The following LRRC73 variants were observed in gnomAD, a reference collection of about 807,000 sequenced individuals.
LRRC73 encodes leucine-rich repeat-containing protein 73.
LRRC73 carries 16 observed loss-of-function variants against 26.4 expected under a neutral mutation model. The observed-to-expected ratio is 0.61, with a 90% CI of 0.41 to 0.92. The LOEUF (loss-of-function observed/expected upper bound fraction) is 0.92. Ranked by LOEUF, LRRC73 falls within the 40% of genes least tolerant of loss-of-function variation. The pLI is 0.00. For synonymous variants in LRRC73, 210 were observed against 179.8 expected, an observed-to-expected ratio of 1.17 and a Z score of -1.34; for missense variants, 344 against 416.3, an observed-to-expected ratio of 0.83 and a Z score of 1.51.
chr6:43,508,860 G>C, exon 2 of LRRC73: 1 of 1,612,870 alleles, frequency 6.2e-7, no homozygotes, highest in Non-Finnish European at 8.5e-7. Context: ...GGGCAGGGTG[G>C]AGGGCCAGGG....
chr6:43,509,816 G>T (rs775786126), exon 1 of LRRC73: 2 of 1,477,050 alleles, frequency 1.4e-6, no homozygotes, highest in Admixed American at 4.5e-5. Flanking sequence ...CGGGTACGGG[G>T]CCGGAACGGA....
In LRRC73 at chr6:43,508,431, T is replaced by C. The variant is rs751920147; in HGVS notation, c.434-11A>G. 6.2e-7 allele frequency: 1 copy of C among 1,613,412 alleles called. No individual in the cohort carries two copies. Among genetic ancestry groups the C allele is most frequent in the East Asian group, 2.2e-5 (1 of 44,872 alleles). Reference sequence around the variant, plus strand: ...TTAGCTCCTTCAAGCCTGGGCAGCATCATAGCAAGAAACCAGAATAGGGAG... The same window carrying C: ...TTAGCTCCTTCAAGCCTGGGCAGCACCATAGCAAGAAACCAGAATAGGGAG... On this transcript the variant is annotated splice_polypyrimidine_tract_variant and intron_variant, in intron 2 of 5. Transcript: ENST00000372441.
Position 43,509,855 on chromosome 6 carries a change from GA to G in LRRC73, c.-71del. The G allele has an allele frequency of 3.7e-6, 5 of 1,360,256 alleles. No individual in the cohort carries two copies. The African/African-American group carries it at 4.6e-5, about 12-fold the overall frequency. The allele number at this position is 1,360,256 out of a possible 1,614,324, so 84.3% of individuals were successfully genotyped here. On this transcript the variant is annotated 5_prime_UTR_variant, in exon 1 of 6. Coordinates refer to ENST00000372441, the Ensembl canonical transcript of LRRC73. ...TGGTGGGGCCGCGGGCGGGGCCGGG[GA>G]TAGGGCCGGGGTCGGGGCCCCGGCA...
chr6:43,507,952 A>G (rs1341902817), intron 3 of LRRC73, 26 bp from the exon 4 acceptor site: 3 of 1,582,760 alleles, frequency 1.9e-6, no homozygotes, highest in Non-Finnish European at 2.6e-6. Context: ...ACGTGCACAC[A>G]TTCATACACA....
Position 43,507,771 on chromosome 6 carries a change from A to G in LRRC73, c.657+55T>C. 4 of 1,596,742 alleles carry G rather than the reference A, an allele frequency of 2.5e-6. No homozygotes were observed. The East Asian group carries it at 6.7e-5, about 27-fold the overall frequency. ...ATGCCTTAGGTATGTCATCAGACACATAAACTAACCTCCACCCCATCCCCT... is the reference window on the plus strand; with the variant it reads ...ATGCCTTAGGTATGTCATCAGACACGTAAACTAACCTCCACCCCATCCCCT... On this transcript the variant is annotated intron_variant, in intron 4 of 5. Transcript: ENST00000372441.
At chr6:43,509,830 TGGTGGGGCCGCG>T in exon 1 of LRRC73, 1 of 1,426,166 alleles carries the variant, frequency 7.0e-7, no homozygotes, top group Non-Finnish European at 9.1e-7. Flanking sequence ...GAACGGAGGT[TGGTGGGGCCGCG>T]GGCGGGGCCG....
At chr6:43,509,985 G>A in exon 1 of LRRC73, 1 of 370,530 alleles carries the variant, frequency 2.7e-6, no homozygotes. Flanking sequence ...TACCGGGACT[G>A]AGCCGGAGCC....
At chr6:43,510,085 C>T (rs1792618617) in exon 1 of LRRC73, 1 of 226,886 alleles carries the variant, frequency 4.4e-6, no homozygotes, top group Non-Finnish European at 8.5e-6. Context: ...CGTGTCTGGG[C>T]GTTGGGGCGG....
At chr6:43,509,933 GC>G in exon 1 of LRRC73, 1 of 543,472 alleles carries the variant, frequency 1.8e-6, no homozygotes, top group East Asian at 3.9e-5. Flanking sequence ...TGTGGCGGAG[GC>G]TGCGGCTGCG....
At chr6:43,507,758 T>C (rs530717222) in intron 4 of LRRC73, 68 bp downstream of exon 4, 3 of 1,590,696 alleles carry the variant, frequency 1.9e-6, no homozygotes, top group South Asian at 2.2e-5. Flanking sequence ...GCCTTAGGTA[T>C]GTCATCAGAC....
exon 1 of LRRC73, chr6:43,509,646 C>A (rs897175592): frequency 3.1e-6 from 5 of 1,598,988 alleles, no homozygotes; most frequent in Middle Eastern, 3.8e-4. Context: ...CCGGCAGATG[C>A]GGCCAAAGTC....
exon 5 of LRRC73, chr6:43,507,564 C>T: frequency 6.2e-7 from 1 of 1,614,084 alleles, no homozygotes; most frequent in South Asian, 1.1e-5. Context: ...TCCTCCTCCT[C>T]TCCCTCAGAG....
chr6:43,509,456 A>C, intron 1 of LRRC73, 58 bp downstream of exon 1: 2 of 1,540,408 alleles, frequency 1.3e-6, no homozygotes. Flanking sequence ...AGGAGGTGCC[A>C]GGGGAGTGTA....
chr6:43,508,959 C>A (rs201919768), intron 1 of LRRC73, 39 bp from the exon 2 acceptor site: 1 of 1,515,654 alleles, frequency 6.6e-7, no homozygotes, highest in Non-Finnish European at 8.9e-7. Flanking sequence ...TGCAGTCCTC[C>A]GCACTATCTA....
chr6:43,508,286 C>G lies in LRRC73; in HGVS notation c.556+12G>C, dbSNP rs371675700. On this transcript the variant is annotated intron_variant, in intron 3 of 5. Coordinates refer to ENST00000372441, the Ensembl canonical transcript of LRRC73. ...GGCAGTGACAGCCCAAGGGGGTATT[C>G]TTGAGCCTCACCCAGGGGGTTGTAA... 3.1e-6 allele frequency: 5 copies of G among 1,606,138 alleles called. No homozygotes were observed. The African/African-American group carries it at 5.3e-5, about 17-fold the overall frequency.
chr6:43,507,800 C>T (rs760620246), intron 4 of LRRC73, 26 bp downstream of exon 4: 6 of 1,609,640 alleles, frequency 3.7e-6, no homozygotes, highest in African/African-American at 2.7e-5. Flanking sequence ...ATCCCCTGGC[C>T]GTGCCCAAAC....
chr6:43,509,493 C>T (rs988997589), intron 1 of LRRC73, 21 bp downstream of exon 1: 3 of 1,590,418 alleles, frequency 1.9e-6, no homozygotes, highest in Non-Finnish European at 2.6e-6. Context: ...CCGGGACCCC[C>T]TTGCGAGGGG....
exon 1 of LRRC73, chr6:43,510,310 C>A (rs1792626928): frequency 6.5e-6 from 1 of 152,782 alleles, no homozygotes; most frequent in Non-Finnish European, 1.5e-5. Flanking sequence ...GAGCCTGAGG[C>A]GGGCGGCTGG....
intron 2 of LRRC73, 86 bp downstream of exon 2, chr6:43,508,674 A>G (rs1374546259): frequency 1.3e-6 from 2 of 1,508,726 alleles, no homozygotes; most frequent in Non-Finnish European, 1.8e-6. Context: ...ACATCATCAG[A>G]GCTCTGGGGC....
Sources: gnomAD v4.1 joint callset for allele counts on GRCh38, gnomAD v4.1.1 for gene constraint, MANE v1.5 for transcripts, NCBI Gene and HGNC (gene_info 2026-07-23, HGNC 2026-07-21) for gene names.